Variants in GTF3C1 observed in about 807,000 individuals in gnomAD.
The protein encoded by GTF3C1 is general transcription factor 3C polypeptide 1.
A neutral mutation model predicts 226.7 loss-of-function variants in GTF3C1; 57 were observed. The observed-to-expected ratio is 0.25, with a 90% confidence interval of 0.20 to 0.31. The LOEUF (loss-of-function observed/expected upper bound fraction) is 0.31, where lower values mean the gene tolerates loss of function less well. GTF3C1 is among the 10% of genes least tolerant of loss of function. The probability of loss-of-function intolerance (pLI) is 1.00; values close to 1 mark genes in which losing one functional copy is unlikely to be tolerated. For missense variants in GTF3C1, 2,217 were observed against 2,776.1 expected, an observed-to-expected ratio of 0.80 and a Z score of 4.53; for synonymous variants, 1,090 against 1,084.8, an observed-to-expected ratio of 1.00 and a Z score of -0.09.
chr16:27,515,057 C>T (rs2088636285), intron 6 of GTF3C1, among the ~76,000 whole-genome samples: 1 of 152,150 alleles, frequency 6.6e-6, no homozygotes. Context: ...CACAGGACAG[C>T]TCTCAAAATA....
intron 11 of GTF3C1, among the ~76,000 whole-genome samples, chr16:27,501,972 G>A (rs1003732266): frequency 2.6e-5 from 4 of 152,070 alleles, no homozygotes; most frequent in African/African-American, 9.7e-5. Context: ...GTGGGTGCCT[G>A]TAATCCCAGC....
chr16:27,482,702 G>C (rs1287691608), intron 26 of GTF3C1: 4 of 441,874 alleles, frequency 9.1e-6, no homozygotes, highest in Non-Finnish European at 1.8e-5. Flanking sequence ...GGCCCCTCTG[G>C]ACAGAAAACT....
intron 6 of GTF3C1, among the ~76,000 whole-genome samples, chr16:27,518,161 T>A: frequency 6.6e-6 from 1 of 151,976 alleles, no homozygotes; most frequent in Non-Finnish European, 1.5e-5. Context: ...GTAAATTCAG[T>A]GTTACCTCCC....
At position 27,544,260 on chromosome 16, in the gene GTF3C1, G is replaced by A. The variant is rs1052482544; in HGVS notation, c.431+1054C>T. Among the ~76,000 whole-genome samples the A allele has an allele frequency of 6.6e-5, 10 of 152,010 alleles. 1 individual carries two copies. The South Asian group carries it at 1.2e-3, about 19-fold the overall frequency. On this transcript the variant is annotated intron_variant, in intron 2 of 36. Coordinates refer to ENST00000356183, the MANE Select transcript of GTF3C1 (RefSeq NM_001520.4). ...AACTTAGCTGGGTGTGGTGGTATGC[G>A]CCTGTGGTCCCAGCTACTCAGGTGG...
At chr16:27,528,553 G>A (rs767390344) in intron 6 of GTF3C1, 45 bp downstream of exon 6, 1 of 1,528,916 alleles carries the variant, frequency 6.5e-7, no homozygotes, top group Admixed American at 1.8e-5. Context: ...AGACAGAAGT[G>A]AGAGCCAGCC....
intron 5 of GTF3C1, among the ~76,000 whole-genome samples, chr16:27,530,958 C>T (rs1168879860): frequency 5.9e-5 from 9 of 152,170 alleles, no homozygotes; most frequent in African/African-American, 2.2e-4. Context: ...CTGTTAGTTT[C>T]ACCTCCAAAA....
rs1260685445 is a variant in GTF3C1, at chr16:27,471,288, C to T, written c.4526+460G>A. On this transcript the variant is annotated intron_variant, in intron 30 of 36. Transcript: ENST00000356183. The surrounding 1 kb of genome is among the most constrained non-coding windows in gnomAD (Gnocchi z 5.0). Reference sequence around the variant, plus strand: ...GCGGCATGAAGCCACACTGCAAGAGCGCTTCAGGAGGGAGCCCCAGGAGGA... The same window carrying T: ...GCGGCATGAAGCCACACTGCAAGAGTGCTTCAGGAGGGAGCCCCAGGAGGA... Among the ~76,000 whole-genome samples the T allele has an allele frequency of 2.0e-5, 3 of 152,196 alleles. No homozygotes were observed. The highest frequency in any genetic ancestry group is 4.4e-5 in the Non-Finnish European group (3 of 68,040).
rs1323626317 is a variant in GTF3C1, at chr16:27,471,488, C to T, written c.4526+260G>A. On this transcript the variant is annotated intron_variant, in intron 30 of 36. Transcript: ENST00000356183. This position sits in a 1 kb window ranked among gnomAD's most constrained non-coding sequence, Gnocchi z 5.0. ...TATTAAATGCAAACTGATTTCACTC[C>T]ATCTGACGAGAGAAACGGAAACAAA... 2.2e-6 allele frequency: 1 copy of T among 463,044 alleles called. No homozygotes were observed. Among genetic ancestry groups the T allele is most frequent in the Non-Finnish European group, 3.9e-6 (1 of 256,180 alleles). 28.7% of individuals were successfully genotyped at this position (463,044 alleles called of 1,614,324 possible).
chr16:27,544,198 G>T (rs1391736357), intron 2 of GTF3C1, among the ~76,000 whole-genome samples: 1 of 151,998 alleles, frequency 6.6e-6, no homozygotes, highest in Non-Finnish European at 1.5e-5. Flanking sequence ...AGACCAGCCT[G>T]AGCAACATGG....
intron 2 of GTF3C1, among the ~76,000 whole-genome samples, chr16:27,540,527 C>A (rs1418377941): frequency 6.6e-6 from 1 of 152,194 alleles, no homozygotes; most frequent in Non-Finnish European, 1.5e-5. Flanking sequence ...TTAGCTGATT[C>A]AATAACTCCG....
intron 23 of GTF3C1, 35 bp downstream of exon 23, chr16:27,488,192 C>T: frequency 6.3e-7 from 1 of 1,579,356 alleles, no homozygotes. Context: ...AAAACAAAGA[C>T]AAGGCCCAGT....
At position 27,533,329 on chromosome 16, in the gene GTF3C1, T is replaced by A. The variant is rs756605092; in HGVS notation, c.811A>T (p.Asn271Tyr). The change falls in exon 5 of 37, where the codon AAC becomes TAC. Residue 271 changes from asparagine (N) to tyrosine (Y), a missense_variant. Physicochemically the swap from Asn to Tyr is moderately radical, Grantham distance 143. Around this residue, in one of 12 missense-constraint regions of GTF3C1, gnomAD observed 163 missense variants for 234.3 expected, o/e 0.70. Coordinates refer to ENST00000356183, the MANE Select transcript of GTF3C1 (RefSeq NM_001520.4). ...AGCTTTCCCAGCGTCTCTATGTGGT[T>A]AGTCCGTGTGCTCAGCATGACCGAA... is the stretch of plus-strand genomic sequence containing the variant. Reference protein sequence around the residue: ...KLSVMLSTRTNHIETLGKLRE... With the variant: ...KLSVMLSTRTYHIETLGKLRE... The A allele has an allele frequency of 3.7e-6, 6 of 1,608,258 alleles. No individual in the cohort carries two copies. Among genetic ancestry groups the A allele is most frequent in the Non-Finnish European group, 4.3e-6 (5 of 1,174,658 alleles).
At chr16:27,501,664 G>A (rs1300162519) in intron 11 of GTF3C1, among the ~76,000 whole-genome samples, 3 of 152,198 alleles carry the variant, frequency 2.0e-5, no homozygotes, top group Non-Finnish European at 4.4e-5. Flanking sequence ...TCACCAAGTC[G>A]AATGCTAATC....
intron 6 of GTF3C1, among the ~76,000 whole-genome samples, chr16:27,525,002 A>G (rs1217889789): frequency 6.6e-6 from 1 of 152,006 alleles, no homozygotes; most frequent in Non-Finnish European, 1.5e-5. Flanking sequence ...AAAAATACAA[A>G]AATTAGCTGG....
At chr16:27,535,341 G>C (rs931653360) in intron 4 of GTF3C1, among the ~76,000 whole-genome samples, 1 of 152,180 alleles carries the variant, frequency 6.6e-6, no homozygotes, top group Admixed American at 6.5e-5. Flanking sequence ...GGGAGGCCGA[G>C]GTGGGCGTAT....
Position 27,463,327 on chromosome 16 carries a change from C to T in GTF3C1, c.5924+214G>A. 1.7e-6 allele frequency: 1 copy of T among 595,874 alleles called. No homozygotes were observed. The highest frequency in any genetic ancestry group is 2.1e-5 in the South Asian group (1 of 47,860). 36.9% of individuals were successfully genotyped at this position (595,874 alleles called of 1,614,324 possible). ...CTGGGCATTCTGGAAGCGCAGCCCT[C>T]ATTCCAGGCCGACCTGGGCACTGCC... is the stretch of plus-strand genomic sequence containing the variant. On this transcript the variant is annotated intron_variant, in intron 35 of 36. Transcript: ENST00000356183. This position sits in a 1 kb window ranked among gnomAD's most constrained non-coding sequence, Gnocchi z 4.9.
chr16:27,537,019 A>C (rs1206505138), intron 4 of GTF3C1, among the ~76,000 whole-genome samples: 5 of 152,192 alleles, frequency 3.3e-5, no homozygotes, highest in Non-Finnish European at 7.3e-5. Flanking sequence ...GAATGTGCAC[A>C]TTTTACCAGT....
Position 27,529,028 on chromosome 16 carries a change from C to T in GTF3C1, c.850-307G>A, listed in dbSNP as rs149426065. ...GGAGACTGAAGACTTCATCTGATAC[C>T]TTTTCATGTTGTTTTGATTTTTTAA... On this transcript the variant is annotated intron_variant, in intron 5 of 36. Transcript: ENST00000356183. Among the ~76,000 whole-genome samples, 47 of 152,186 alleles carry T rather than the reference C, an allele frequency of 3.1e-4. 1 individual carries two copies. The highest frequency in any genetic ancestry group is 8.4e-4 in the African/African-American group (35 of 41,532).
chr16:27,510,625 G>A (rs1261496787), intron 7 of GTF3C1, among the ~76,000 whole-genome samples: 1 of 152,164 alleles, frequency 6.6e-6, no homozygotes, highest in Non-Finnish European at 1.5e-5. Flanking sequence ...TCTGAGGGAC[G>A]TCAAGGGAGC....
Sources: allele counts gnomAD v4.1 joint callset (sites outside exome capture counted in the v4.1 genomes callset), GRCh38; gene constraint gnomAD v4.1.1; regional missense constraint gnomAD v4.1.1; non-coding constraint Gnocchi (gnomAD v3.1); transcripts MANE v1.5; gene names NCBI Gene and HGNC (gene_info 2026-07-23, HGNC 2026-07-21).